Variants in DRC11 observed in about 807,000 individuals in gnomAD.
DRC11 encodes dynein regulatory complex subunit 11.
the DRC11 span, among the ~76,000 whole-genome samples, chr2:236,427,629 G>A: frequency 6.6e-6 from 1 of 151,892 alleles, no homozygotes; most frequent in African/African-American, 2.4e-5. This position sits in a 1 kb window ranked among gnomAD's most constrained non-coding sequence, Gnocchi z 5.9. Context: ...TTATTTGTGT[G>A]ACTCTTTTCT....
chr2:236,402,912 T>C, the DRC11 span, among the ~76,000 whole-genome samples: 5 of 152,244 alleles, frequency 3.3e-5, no homozygotes, highest in African/African-American at 1.2e-4. The surrounding 1 kb of genome is among the most constrained non-coding windows in gnomAD (Gnocchi z 6.0). Context: ...TTAGTATATT[T>C]ATCCTCAGAT....
the DRC11 span, among the ~76,000 whole-genome samples, chr2:236,417,862 G>A: frequency 6.6e-6 from 1 of 152,178 alleles, no homozygotes; most frequent in Admixed American, 6.5e-5. Context: ...GTTTGCTGAG[G>A]ATGATAGTTT....
the DRC11 span, chr2:236,363,987 A>C: frequency 6.2e-7 from 1 of 1,610,572 alleles, no homozygotes; most frequent in Non-Finnish European, 8.5e-7. This position sits in a 1 kb window ranked among gnomAD's most constrained non-coding sequence, Gnocchi z 5.6. Flanking sequence ...AACCTAAAAA[A>C]GGCAGAGGCA....
At chr2:236,403,895 C>T in the DRC11 span, among the ~76,000 whole-genome samples, 1 of 152,052 alleles carries the variant, frequency 6.6e-6, no homozygotes, top group Non-Finnish European at 1.5e-5. Context: ...ACACCACAGC[C>T]CCTCTTCCCC....
At chr2:236,408,443 A>C in the DRC11 span, 1 of 740,376 alleles carries the variant, frequency 1.4e-6, no homozygotes, top group South Asian at 1.4e-5. This position sits in a 1 kb window ranked among gnomAD's most constrained non-coding sequence, Gnocchi z 5.5. Context: ...TCCTGCCCAA[A>C]CACTTGGTTC....
the DRC11 span, among the ~76,000 whole-genome samples, chr2:236,490,832 C>T: frequency 6.6e-6 from 1 of 150,588 alleles, no homozygotes; most frequent in Non-Finnish European, 1.5e-5. This position sits in a 1 kb window ranked among gnomAD's most constrained non-coding sequence, Gnocchi z 5.5. Context: ...TATACATATA[C>T]ACATATATAC....
At chr2:236,413,874 C>T in the DRC11 span, among the ~76,000 whole-genome samples, 3 of 152,294 alleles carry the variant, frequency 2.0e-5, no homozygotes, top group Non-Finnish European at 2.9e-5. This position sits in a 1 kb window ranked among gnomAD's most constrained non-coding sequence, Gnocchi z 4.0. Context: ...TCTATTACTG[C>T]GACTTTTGTT....
chr2:236,404,926 C>T, the DRC11 span, among the ~76,000 whole-genome samples: 1 of 152,174 alleles, frequency 6.6e-6, no homozygotes, highest in African/African-American at 2.4e-5. Flanking sequence ...TCAGAGACTG[C>T]ACCTTCTAGC....
At chr2:236,342,338 G>A in the DRC11 span, among the ~76,000 whole-genome samples, 397 of 152,314 alleles carry the variant, frequency 2.6e-3, 2 homozygotes, top group African/African-American at 9.0e-3. This position sits in a 1 kb window ranked among gnomAD's most constrained non-coding sequence, Gnocchi z 5.8. Context: ...GCTGAGTGAT[G>A]CAATGAGGAG....
chr2:236,413,859 A>G, the DRC11 span, among the ~76,000 whole-genome samples: 2 of 152,226 alleles, frequency 1.3e-5, no homozygotes, highest in African/African-American at 4.8e-5. This position sits in a 1 kb window ranked among gnomAD's most constrained non-coding sequence, Gnocchi z 4.0. Flanking sequence ...ATGATTGCAT[A>G]GTGCTCTATT....
the DRC11 span, among the ~76,000 whole-genome samples, chr2:236,436,644 T>A: frequency 6.6e-6 from 1 of 152,144 alleles, no homozygotes; most frequent in African/African-American, 2.4e-5. Flanking sequence ...CTGATATATG[T>A]ACCTGACTAA....
At chr2:236,449,506 C>T in the DRC11 span, among the ~76,000 whole-genome samples, 1 of 152,228 alleles carries the variant, frequency 6.6e-6, no homozygotes, top group African/African-American at 2.4e-5. The surrounding 1 kb of genome is among the most constrained non-coding windows in gnomAD (Gnocchi z 5.1). Context: ...TCCACCCGAG[C>T]CCCACAGTCC....
chr2:236,337,178 C>T, the DRC11 span, among the ~76,000 whole-genome samples: 1 of 152,196 alleles, frequency 6.6e-6, no homozygotes, highest in Non-Finnish European at 1.5e-5. This position sits in a 1 kb window ranked among gnomAD's most constrained non-coding sequence, Gnocchi z 4.9. Flanking sequence ...ATGTGACTCT[C>T]ACATCATGAG....
chr2:236,357,130 G>GTATATTATATATCTA, the DRC11 span, among the ~76,000 whole-genome samples: 8 of 90,586 alleles, frequency 8.8e-5, no homozygotes, highest in African/African-American at 3.1e-4. Context: ...TTATATATTC[G>GTATATTATATATCTA]TATATTATAT....
chr2:236,419,766 C>T, the DRC11 span, among the ~76,000 whole-genome samples: 1 of 152,132 alleles, frequency 6.6e-6, no homozygotes, highest in Non-Finnish European at 1.5e-5. This position sits in a 1 kb window ranked among gnomAD's most constrained non-coding sequence, Gnocchi z 4.8. Context: ...CCTACAGTGA[C>T]AAAAGACCTT....
At chr2:236,487,954 G>A in the DRC11 span, 1 of 1,378,752 alleles carries the variant, frequency 7.3e-7, no homozygotes, top group South Asian at 1.6e-5. Flanking sequence ...TATCTTTAGT[G>A]TATAAGGCAC....
At chr2:236,382,985 AT>A in the DRC11 span, among the ~76,000 whole-genome samples, 1 of 152,200 alleles carries the variant, frequency 6.6e-6, no homozygotes, top group Non-Finnish European at 1.5e-5. Flanking sequence ...AGTATGGGAC[AT>A]TTGTCACAAC....
At chr2:236,482,071 A>G in the DRC11 span, among the ~76,000 whole-genome samples, 3 of 149,512 alleles carry the variant, frequency 2.0e-5, no homozygotes, top group Non-Finnish European at 4.4e-5. The surrounding 1 kb of genome is among the most constrained non-coding windows in gnomAD (Gnocchi z 4.5). Flanking sequence ...GTATAATTCT[A>G]CATATTATAT....
chr2:236,380,568 CCTGTCAG>C, the DRC11 span: 2 of 1,551,052 alleles, frequency 1.3e-6, no homozygotes, highest in Admixed American at 2.0e-5. This position sits in a 1 kb window ranked among gnomAD's most constrained non-coding sequence, Gnocchi z 4.9. Context: ...CCATTCCTCA[CCTGTCAG>C]CTGTCAGATC....
Sources: gnomAD v4.1 joint callset for allele counts (sites outside exome capture counted in the v4.1 genomes callset) on GRCh38, gnomAD v4.1.1 for gene constraint, Gnocchi (gnomAD v3.1) non-coding constraint, MANE v1.5 for transcripts, NCBI Gene and HGNC (gene_info 2026-07-23, HGNC 2026-07-21) for gene names.